The following BLVRA variants were observed in gnomAD, a reference collection of about 807,000 sequenced individuals.
BLVRA encodes the protein BVR A.
Under a neutral mutation model 32.8 loss-of-function variants are expected in BLVRA, and 22 were observed. The ratio of observed to expected loss-of-function variants is 0.67; its 90% CI spans 0.48 to 0.96. The LOEUF is 0.96. Among genes scored for constraint, BLVRA ranks in the 40% least tolerant of loss-of-function variants. BLVRA has a pLI of 0.00. For synonymous variants in BLVRA, 119 were observed against 141.3 expected (o/e 0.84, Z 1.12); for missense variants, 323 against 358.1 (o/e 0.90, Z 0.79).
At chr7:43,764,808 T>TATC (rs36008307) in intron 1 of BLVRA, among the ~76,000 whole-genome samples, 22,844 of 147,624 alleles carry the variant, frequency 0.15, 2,148 homozygotes, top group Non-Finnish European at 0.21. Flanking sequence ...GTTAAAGTGA[T>TATC]ATGTTAGCAC....
Position 43,784,466 on chromosome 7 carries a change from C to T in BLVRA, c.13-3438C>T, listed in dbSNP as rs189484483. Reference sequence around the variant, plus strand: ...TCTGATTTGCAGTTTCCCTTCAGAACGCACCTTCAAGATCCCTCATGTAAA... The same window carrying T: ...TCTGATTTGCAGTTTCCCTTCAGAATGCACCTTCAAGATCCCTCATGTAAA... On this transcript the variant is annotated intron_variant, in intron 2 of 7. Transcript: ENST00000265523. 2.1e-3 allele frequency among the ~76,000 whole-genome samples: 323 copies of T among 152,220 alleles called. 1 individual carries two copies. The highest frequency in any genetic ancestry group is 0.017 in the South Asian group (81 of 4,828).
chr7:43,806,606 G>C lies in BLVRA; in HGVS notation c.633-371G>C, dbSNP rs377251035. On this transcript the variant is annotated intron_variant, in intron 7 of 7. Coordinates refer to ENST00000265523, the MANE Select transcript of BLVRA (RefSeq NM_000712.4). ...AAAATATTTTTTTAAAAAGTAGCCA[G>C]GCATGGTGGCAGGCGCCTGTAATCC... Among the ~76,000 whole-genome samples the C allele has an allele frequency of 6.6e-5, 10 of 152,140 alleles. No individual in the cohort carries two copies. The East Asian group carries it at 1.9e-3, about 30-fold the overall frequency.
chr7:43,793,167 A>G (rs1353002516), intron 5 of BLVRA, among the ~76,000 whole-genome samples: 1 of 152,222 alleles, frequency 6.6e-6, no homozygotes, highest in Non-Finnish European at 1.5e-5. Flanking sequence ...AGAGAAACTG[A>G]TTGTCTTATT....
chr7:43,768,958 G>T, intron 1 of BLVRA, among the ~76,000 whole-genome samples: 2 of 151,506 alleles, frequency 1.3e-5, no homozygotes, highest in East Asian at 3.9e-4. Flanking sequence ...ATGAGACAGG[G>T]TCTCTCATCT....
intron 5 of BLVRA, among the ~76,000 whole-genome samples, 198 bp downstream of exon 5, chr7:43,793,010 G>A (rs113559836): frequency 6.6e-6 from 1 of 152,088 alleles, no homozygotes; most frequent in African/African-American, 2.4e-5. Flanking sequence ...GCAAACTTTT[G>A]GTCAAAGCTT....
intron 1 of BLVRA, among the ~76,000 whole-genome samples, chr7:43,768,838 T>G (rs1480541768): frequency 6.6e-6 from 1 of 151,952 alleles, no homozygotes; most frequent in Non-Finnish European, 1.5e-5. Context: ...TCTGCTCCCG[T>G]GTCTTCATGC....
At chr7:43,800,669 C>A in intron 6 of BLVRA, 97 bp downstream of exon 6, 1 of 1,109,116 alleles carries the variant, frequency 9.0e-7, no homozygotes, top group Non-Finnish European at 1.3e-6. Context: ...TTCATTTCTG[C>A]TCAAGACTCT....
At chr7:43,786,872 A>G (rs1260927566) in intron 2 of BLVRA, among the ~76,000 whole-genome samples, 1 of 152,104 alleles carries the variant, frequency 6.6e-6, no homozygotes, top group Non-Finnish European at 1.5e-5. Context: ...GATGACATTC[A>G]TGTTTCTATG....
chr7:43,804,775 G>T (rs1200818379), intron 7 of BLVRA, among the ~76,000 whole-genome samples: 1 of 152,156 alleles, frequency 6.6e-6, no homozygotes, highest in East Asian at 1.9e-4. Flanking sequence ...AAGCACCTGG[G>T]CTCTGTAAAT....
At chr7:43,788,801 T>C (rs1041083143) in intron 3 of BLVRA, among the ~76,000 whole-genome samples, 8 of 149,060 alleles carry the variant, frequency 5.4e-5, no homozygotes, top group African/African-American at 2.0e-4. Flanking sequence ...CACGCCTGGA[T>C]AATTTTTTTT....
intron 5 of BLVRA, among the ~76,000 whole-genome samples, chr7:43,797,250 G>C (rs1459166184): frequency 1.3e-5 from 2 of 152,196 alleles, no homozygotes; most frequent in South Asian, 2.1e-4. Flanking sequence ...ACCACACACA[G>C]CTAATTTTTG....
chr7:43,783,695 A>T (rs908581104), intron 2 of BLVRA, among the ~76,000 whole-genome samples: 2 of 152,202 alleles, frequency 1.3e-5, no homozygotes, highest in Non-Finnish European at 2.9e-5. Flanking sequence ...TTTGCATTTT[A>T]ATTTGTAATA....
At chr7:43,791,735 T>A (rs916603038) in intron 4 of BLVRA, 2 of 252,300 alleles carry the variant, frequency 7.9e-6, no homozygotes, top group East Asian at 2.0e-4. Flanking sequence ...CAAATTATCA[T>A]ACTCCCTTCT....
chr7:43,803,123 A>G (rs2095800520), intron 6 of BLVRA, among the ~76,000 whole-genome samples: 1 of 152,234 alleles, frequency 6.6e-6, no homozygotes, highest in Admixed American at 6.5e-5. Context: ...TGATATTGAA[A>G]TAGCTCAAAG....
chr7:43,765,702 A>G (rs970683753), intron 1 of BLVRA, among the ~76,000 whole-genome samples: 28 of 152,238 alleles, frequency 1.8e-4, no homozygotes, highest in Admixed American at 4.6e-4. Context: ...AAGATGTTCT[A>G]AAATTAATGA....
chr7:43,796,133 AAAAAG>A (rs915075501), intron 5 of BLVRA, among the ~76,000 whole-genome samples: 28 of 151,386 alleles, frequency 1.8e-4, no homozygotes, highest in Admixed American at 3.3e-4. Context: ...AAAAAAAAAA[AAAAAG>A]AAAAGAAAAG....
chr7:43,788,017 C>T lies in BLVRA; in HGVS notation c.126C>T (p.Phe42=), dbSNP rs775434942. 1.2e-5 allele frequency: 19 copies of T among 1,614,040 alleles called. No individual in the cohort carries two copies. Among genetic ancestry groups the T allele is most frequent in the African/African-American group, 2.7e-5 (2 of 74,908 alleles). The change falls in exon 3 of 8, where the codon TTC becomes TTT. Residue 42 remains phenylalanine (F), a synonymous_variant. Transcript: ENST00000265523. ...PSSAFLNLIG[F]VSRRELGSID... ...CAGCGTTCCTGAACCTGATTGGCTT[C>T]GTGTCGAGGTGGCTCACAATGTCTT...
Position 43,787,960 on chromosome 7 carries a change from G to C in BLVRA, c.69G>C (p.Arg23=). The change falls in exon 3 of 8, where the codon CGG becomes CGC. Residue 23 remains arginine, a synonymous_variant. Transcript: ENST00000265523. This position sits in a 1 kb window ranked among gnomAD's most constrained non-coding sequence, Gnocchi z 4.5. ...GTGTTGGCCGAGCCGGCTCCGTGCG[G>C]ATGAGGGACTTGCGGAATCCACACC... The part of the protein sequence containing the change: ...VVGVGRAGSV[R]MRDLRNPHPS... The C allele has an allele frequency of 6.2e-7, 1 of 1,614,236 alleles. No individual in the cohort carries two copies. Among genetic ancestry groups the C allele is most frequent in the Non-Finnish European group, 8.5e-7 (1 of 1,180,040 alleles).
In BLVRA at chr7:43,807,216, A is replaced by G. The variant is rs767005540; in HGVS notation, c.872A>G (p.Tyr291Cys). 4 of 1,607,240 alleles carry G rather than the reference A, an allele frequency of 2.5e-6. No individual in the cohort carries two copies. Among genetic ancestry groups the G allele is most frequent in the Admixed American group, 3.3e-5 (2 of 60,004 alleles). Residue 291 changes from tyrosine to cysteine, a missense_variant, in exon 8 of 8, where the codon TAT (tyrosine) becomes TGT (cysteine). Tyr to Cys is a radical substitution (Grantham distance 194). Coordinates refer to ENST00000265523, the MANE Select transcript of BLVRA (RefSeq NM_000712.4). ...GGGCTTGCAGAAGAAATCCAGAAATATTGCTGTTCAAGGAAGTAAGAGGAG... is the reference window on the plus strand; with the variant it reads ...GGGCTTGCAGAAGAAATCCAGAAATGTTGCTGTTCAAGGAAGTAAGAGGAG... ...CLGLAEEIQKYCCSRK is the reference protein window; with the variant it reads ...CLGLAEEIQKCCCSRK
Sources: gnomAD v4.1 joint callset for allele counts (sites outside exome capture counted in the v4.1 genomes callset) on GRCh38, gnomAD v4.1.1 for gene constraint, Gnocchi (gnomAD v3.1) non-coding constraint, MANE v1.5 for transcripts, NCBI Gene and HGNC (gene_info 2026-07-23, HGNC 2026-07-21) for gene names.